Variants in CLRN3 observed in about 807,000 individuals in gnomAD.
CLRN3 encodes clarin-3.
CLRN3 carries 12 observed loss-of-function variants against 16.7 expected under a neutral mutation model. That is an observed-to-expected ratio of 0.72 (90% CI 0.46 to 1.16). CLRN3 has a LOEUF of 1.16. CLRN3 is among the 50% of genes most tolerant of loss of function. The pLI, the probability that CLRN3 is intolerant of heterozygous loss-of-function variation, is 0.00. For missense variants in CLRN3, 296 were observed against 274.2 expected (o/e 1.08, Z -0.56); for synonymous variants, 118 against 113.0 (o/e 1.04, Z -0.28).
At chr10:127,889,206 C>A (rs932815611) in intron 1 of CLRN3, among the ~76,000 whole-genome samples, 2 of 152,134 alleles carry the variant, frequency 1.3e-5, no homozygotes, top group African/African-American at 4.8e-5. Flanking sequence ...CTGGTGATCC[C>A]AGCTACACCA....
At chr10:127,878,629 C>T (rs2135075395) in intron 2 of CLRN3, among the ~76,000 whole-genome samples, 1 of 152,248 alleles carries the variant, frequency 6.6e-6, no homozygotes, top group East Asian at 1.9e-4. Flanking sequence ...CTGTGTATGA[C>T]CAATAGTGAA....
At chr10:127,886,252 T>C (rs1041619637) in intron 1 of CLRN3, among the ~76,000 whole-genome samples, 1 of 152,254 alleles carries the variant, frequency 6.6e-6, no homozygotes, top group African/African-American at 2.4e-5. Context: ...CACTCCATTT[T>C]TGAACCTCTT....
At chr10:127,883,289 T>TGCGC (rs1491206143) in intron 2 of CLRN3, among the ~76,000 whole-genome samples, 8 of 143,746 alleles carry the variant, frequency 5.6e-5, no homozygotes, top group African/African-American at 1.8e-4. Flanking sequence ...TGTGTGTGTG[T>TGCGC]GCACATGTGT....
At chr10:127,883,598 C>T (rs1028877729) in intron 2 of CLRN3, 98 bp downstream of exon 2, 30 of 890,492 alleles carry the variant, frequency 3.4e-5, no homozygotes, top group Non-Finnish European at 5.1e-5. Flanking sequence ...TTGGTGTAAA[C>T]GTGACTGTGT....
chr10:127,879,776 G>T (rs1310369324), intron 2 of CLRN3, among the ~76,000 whole-genome samples: 1 of 152,178 alleles, frequency 6.6e-6, no homozygotes. Flanking sequence ...TGTGACTCAT[G>T]TGTCAATAAA....
intron 2 of CLRN3, among the ~76,000 whole-genome samples, chr10:127,880,294 G>T (rs1442156997): frequency 3.3e-5 from 5 of 152,138 alleles, no homozygotes; most frequent in Non-Finnish European, 7.4e-5. Context: ...TTTGAATGGG[G>T]AGGGGCCGAC....
intron 2 of CLRN3, among the ~76,000 whole-genome samples, chr10:127,882,250 A>G (rs1237033248): frequency 6.6e-6 from 1 of 152,250 alleles, no homozygotes; most frequent in African/African-American, 2.4e-5. Context: ...TTACCCCCAA[A>G]TAATAAAAGC....
chr10:127,879,720 CA>C (rs1283893924), intron 2 of CLRN3, among the ~76,000 whole-genome samples: 3 of 152,168 alleles, frequency 2.0e-5, no homozygotes, highest in Non-Finnish European at 4.4e-5. Context: ...TGAGAACATA[CA>C]AAAAACCATG....
intron 1 of CLRN3, among the ~76,000 whole-genome samples, chr10:127,888,578 G>A (rs1845222843): frequency 6.6e-6 from 1 of 152,210 alleles, no homozygotes; most frequent in South Asian, 2.1e-4. Flanking sequence ...ATGGTGCAAT[G>A]TTGAGCTCCC....
At chr10:127,884,167 G>A (rs1845164942) in intron 1 of CLRN3, among the ~76,000 whole-genome samples, 1 of 152,236 alleles carries the variant, frequency 6.6e-6, no homozygotes, top group Non-Finnish European at 1.5e-5. Flanking sequence ...CGGCAGCAGG[G>A]CTGGACAGCC....
intron 1 of CLRN3, among the ~76,000 whole-genome samples, chr10:127,888,444 GT>G (rs1452059705): frequency 2.0e-5 from 3 of 152,246 alleles, no homozygotes; most frequent in African/African-American, 7.2e-5. Flanking sequence ...TGTGGACAGG[GT>G]AGGAGTAGTA....
At chr10:127,882,402 C>T (rs1431314888) in intron 2 of CLRN3, among the ~76,000 whole-genome samples, 1 of 152,244 alleles carries the variant, frequency 6.6e-6, no homozygotes, top group South Asian at 2.1e-4. Flanking sequence ...AAAAGCATCC[C>T]TCACCGTCCT....
chr10:127,892,644 C>A lies in CLRN3; in HGVS notation c.141G>T (p.Gly47=). ...AAAGTCCGTAAGTGATGAAAATGCT[C>A]CCATTTGAAGCAGAGTCTCTAACAG... ...TIAVRDSASN[G]SIFITYGLFR... is the part of the protein sequence containing the mutation. The change falls in exon 1 of 3, where the codon GGG becomes GGT. Residue 47 remains glycine, a synonymous_variant. Transcript: ENST00000368671. 1 of 1,612,672 alleles carries A rather than the reference C, an allele frequency of 6.2e-7. No homozygotes were observed. Among genetic ancestry groups the A allele is most frequent in the Non-Finnish European group, 8.5e-7 (1 of 1,178,712 alleles).
chr10:127,883,172 C>T (rs1845149407), intron 2 of CLRN3, among the ~76,000 whole-genome samples: 1 of 152,202 alleles, frequency 6.6e-6, no homozygotes, highest in African/African-American at 2.4e-5. Context: ...TTATCTGTGG[C>T]TCTGTGGCAC....
intron 1 of CLRN3, among the ~76,000 whole-genome samples, chr10:127,886,634 G>A (rs2135083314): frequency 6.6e-6 from 1 of 152,350 alleles, no homozygotes; most frequent in East Asian, 1.9e-4. Flanking sequence ...CACAGCGGTT[G>A]GCATGGCCGC....
Position 127,877,993 on chromosome 10 carries a change from G to T in CLRN3, c.*156C>A, listed in dbSNP as rs1048267415. 7.6e-6 allele frequency: 7 copies of T among 920,992 alleles called. No homozygotes were observed. The Admixed American group carries it at 1.7e-4, about 22-fold the overall frequency. 57.1% of individuals were successfully genotyped at this position (920,992 alleles called of 1,614,324 possible). A position where few individuals can be genotyped will look rare whatever the true frequency, so the allele number is the denominator to read the frequency against. ...CCAACCTTGTGGGAAAAATTTTCAGGAGTACAGCATCAATGAAGAACACAG... is the reference window on the plus strand; with the variant it reads ...CCAACCTTGTGGGAAAAATTTTCAGTAGTACAGCATCAATGAAGAACACAG... On this transcript the variant is annotated 3_prime_UTR_variant, in exon 3 of 3. Transcript: ENST00000368671.
intron 1 of CLRN3, among the ~76,000 whole-genome samples, chr10:127,887,971 T>C (rs4751546): frequency 0.33 from 49,868 of 151,860 alleles, 8,257 homozygotes; most frequent in Admixed American, 0.39. Context: ...AAACGTGCTG[T>C]TGGGCAGTGG....
intron 1 of CLRN3, among the ~76,000 whole-genome samples, chr10:127,891,246 C>T (rs1008086870): frequency 2.6e-5 from 4 of 152,154 alleles, no homozygotes; most frequent in Non-Finnish European, 4.4e-5. Flanking sequence ...TCTGAGTCTC[C>T]GTGCATAGAG....
chr10:127,888,014 C>T lies in CLRN3; in HGVS notation c.230-4139G>A, dbSNP rs78922126. On this transcript the variant is annotated intron_variant, in intron 1 of 2. Transcript: ENST00000368671. ...GCGCCCATGAGAGCCATCCGGACAT[C>T]TGGGCTCCCCATGCAGGAAAATGTA... is the stretch of plus-strand genomic sequence containing the variant. Among the ~76,000 whole-genome samples the T allele has an allele frequency of 6.1e-3, 929 of 152,356 alleles. 9 individuals are homozygous for T. The highest frequency in any genetic ancestry group is 0.014 in the Middle Eastern group (4 of 294).
Sources: allele counts gnomAD v4.1 joint callset (sites outside exome capture counted in the v4.1 genomes callset), GRCh38; gene constraint gnomAD v4.1.1; transcripts MANE v1.5; gene names NCBI Gene and HGNC (gene_info 2026-07-23, HGNC 2026-07-21).